Variants in AIG1 observed in about 807,000 individuals in gnomAD.
AIG1 encodes the protein androgen induced 1.
Under a neutral mutation model 31.4 loss-of-function variants are expected in AIG1, and 23 were observed. That is an observed-to-expected ratio of 0.73 (90% confidence interval 0.53 to 1.04). The LOEUF (loss-of-function observed/expected upper bound fraction) is 1.04. Among genes scored for constraint, AIG1 ranks in the 50% least tolerant of loss-of-function variants. The pLI is 0.00. For synonymous variants in AIG1, 100 were observed against 110.5 expected (o/e 0.90, Z 0.60); for missense variants, 274 against 295.0 (o/e 0.93, Z 0.52).
chr6:143,317,646 C>T (rs1320069081), intron 4 of AIG1, among the ~76,000 whole-genome samples: 1 of 151,702 alleles, frequency 6.6e-6, no homozygotes, highest in African/African-American at 2.4e-5. Context: ...TACTGGAAGT[C>T]CTAGCAAGAG....
chr6:143,252,512 G>C (rs1450370603), intron 3 of AIG1, among the ~76,000 whole-genome samples: 1 of 152,200 alleles, frequency 6.6e-6, no homozygotes, highest in Non-Finnish European at 1.5e-5. Flanking sequence ...GAGGCCAAGA[G>C]TGGGGAAATT....
rs1794732166 is a variant in AIG1 at position 143,247,981 on chromosome 6, A to G, written c.400-36129A>G. On this transcript the variant is annotated intron_variant, in intron 3 of 5. Transcript: ENST00000357847. Reference sequence around the variant, plus strand: ...ACCGTCTAAAAGGCTCTTGCGTCTCATGGATGAAGTACTAATAACCCATAT... The same window carrying G: ...ACCGTCTAAAAGGCTCTTGCGTCTCGTGGATGAAGTACTAATAACCCATAT... Among the ~76,000 whole-genome samples, 5 of 152,140 alleles carry G rather than the reference A, an allele frequency of 3.3e-5. No individual in the cohort carries two copies. The South Asian group carries it at 1.0e-3, about 32-fold the overall frequency.
At chr6:143,091,237 T>C (rs985311718) in intron 1 of AIG1, among the ~76,000 whole-genome samples, 19 of 152,216 alleles carry the variant, frequency 1.2e-4, no homozygotes, top group African/African-American at 4.1e-4. Flanking sequence ...CTCAAAATCA[T>C]CCATGAGGGT....
intron 3 of AIG1, among the ~76,000 whole-genome samples, chr6:143,216,389 C>T (rs1015967131): frequency 6.6e-6 from 1 of 152,172 alleles, no homozygotes; most frequent in African/African-American, 2.4e-5. Flanking sequence ...GGACAAAAGG[C>T]AAGGCCTGTA....
intron 5 of AIG1, chr6:143,335,035 TAAAAA>T: frequency 7.2e-7 from 1 of 1,386,856 alleles, no homozygotes; most frequent in African/African-American, 1.5e-5. Context: ...TAACTTTTTT[TAAAAA>T]TTCATTTTAG....
At chr6:143,169,281 C>A (rs2128570354) in intron 3 of AIG1, among the ~76,000 whole-genome samples, 1 of 152,030 alleles carries the variant, frequency 6.6e-6, no homozygotes, top group South Asian at 2.1e-4. Context: ...CTACTTAATT[C>A]TTTTTTCCTT....
chr6:143,263,961 G>A (rs1018574207), intron 3 of AIG1, among the ~76,000 whole-genome samples: 14 of 152,112 alleles, frequency 9.2e-5, no homozygotes, highest in African/African-American at 3.1e-4. Context: ...TAGATTCCTA[G>A]GAATCGAACT....
At chr6:143,098,823 A>T (rs1426878382) in intron 1 of AIG1, among the ~76,000 whole-genome samples, 1 of 151,990 alleles carries the variant, frequency 6.6e-6, no homozygotes, top group Non-Finnish European at 1.5e-5. Flanking sequence ...TCTTCTGTGC[A>T]TTTTTTTCCC....
chr6:143,191,052 C>G (rs1359198594), intron 3 of AIG1, among the ~76,000 whole-genome samples: 1 of 152,116 alleles, frequency 6.6e-6, no homozygotes, highest in African/African-American at 2.4e-5. Flanking sequence ...GTCTCACAAG[C>G]ATCCCTGGGG....
chr6:143,102,267 A>G (rs1375728127), intron 1 of AIG1, among the ~76,000 whole-genome samples: 1 of 151,578 alleles, frequency 6.6e-6, no homozygotes, highest in Non-Finnish European at 1.5e-5. Flanking sequence ...TGGCACATCT[A>G]ATTAGTTCCA....
At chr6:143,110,659 A>G (rs1281594912) in intron 1 of AIG1, among the ~76,000 whole-genome samples, 1 of 152,174 alleles carries the variant, frequency 6.6e-6, no homozygotes, top group Non-Finnish European at 1.5e-5. Context: ...TGAAGAGAGG[A>G]AGTGCCCTTG....
chr6:143,137,097 G>T, intron 2 of AIG1, 107 bp downstream of exon 2: 1 of 1,204,708 alleles, frequency 8.3e-7, no homozygotes, highest in East Asian at 2.9e-5. Context: ...TGTATTATTA[G>T]TTTGCTGGAG....
chr6:143,060,500 C>A, upstream of AIG1: 1 of 241,768 alleles, frequency 4.1e-6, no homozygotes, highest in South Asian at 3.2e-5. Context: ...GCCCGGCGCC[C>A]ACTAGCCACA....
chr6:143,165,271 T>G, intron 3 of AIG1, 88 bp downstream of exon 3: 2 of 1,085,180 alleles, frequency 1.8e-6, no homozygotes, highest in Non-Finnish European at 1.4e-6. Context: ...CCATAGAATT[T>G]GCCTAAAAAG....
At chr6:143,106,056 G>A (rs1388341277) in intron 1 of AIG1, among the ~76,000 whole-genome samples, 1 of 152,154 alleles carries the variant, frequency 6.6e-6, no homozygotes, top group African/African-American at 2.4e-5. Flanking sequence ...ACTTTGGAAT[G>A]CAACCTTATT....
rs1777008659 is a variant in AIG1, at chr6:143,330,714, T to C, written c.516-2568T>C. On this transcript the variant is annotated intron_variant, in intron 4 of 5. Transcript: ENST00000357847. The surrounding 1 kb of genome is among the most constrained non-coding windows in gnomAD (Gnocchi z 4.4). The stretch of plus-strand genomic sequence containing the variant: ...AGTGCAAACACCCTGTAGCACAGAC[T>C]GATTAAAATTTTATAAGTTGATTTG... 1.3e-5 allele frequency among the ~76,000 whole-genome samples: 2 copies of C among 152,182 alleles called. No individual in the cohort carries two copies. Among genetic ancestry groups the C allele is most frequent in the Non-Finnish European group, 2.9e-5 (2 of 68,018 alleles).
intron 2 of AIG1, among the ~76,000 whole-genome samples, chr6:143,151,728 G>A (rs1785250728): frequency 6.6e-6 from 1 of 152,224 alleles, no homozygotes; most frequent in South Asian, 2.1e-4. Context: ...AATAATTTAT[G>A]TTGTGAAAAA....
At chr6:143,162,805 G>A (rs746299543) in intron 2 of AIG1, among the ~76,000 whole-genome samples, 1 of 152,142 alleles carries the variant, frequency 6.6e-6, no homozygotes, top group Non-Finnish European at 1.5e-5. Context: ...ACTGGGGGAG[G>A]AGGTCCACAA....
rs141856843 is a variant in AIG1 at position 143,106,161 on chromosome 6, T to C, written c.142-30674T>C. Among the ~76,000 whole-genome samples the C allele has an allele frequency of 1.3e-4, 20 of 152,144 alleles. No individual in the cohort carries two copies. In the East Asian group the frequency reaches 3.9e-3, roughly 29 times the overall value. ...GAATCTGATGTGACTGGTATTCTTA[T>C]AAAAAGGGGAAATATGGAAACAGGC... On this transcript the variant is annotated intron_variant, in intron 1 of 5. Transcript: ENST00000357847.
Sources: allele counts gnomAD v4.1 joint callset (sites outside exome capture counted in the v4.1 genomes callset), GRCh38; gene constraint gnomAD v4.1.1; non-coding constraint Gnocchi (gnomAD v3.1); transcripts MANE v1.5; gene names NCBI Gene and HGNC (gene_info 2026-07-23, HGNC 2026-07-21).